EPHA6: variants seen among roughly 807,000 people sequenced by gnomAD.
EPHA6 encodes the protein EPH receptor A6.
In EPHA6, 50 loss-of-function variants were observed where a neutral mutation model predicts 112.0. That is an observed-to-expected ratio of 0.45 (90% CI 0.36 to 0.56). The LOEUF (loss-of-function observed/expected upper bound fraction) is 0.56. Among genes scored for constraint, EPHA6 ranks in the 20% least tolerant of loss-of-function variants. EPHA6 has a pLI of 0.00. For synonymous variants in EPHA6, 529 were observed against 490.7 expected (o/e 1.08, Z -1.03); for missense variants, 1,280 against 1,417.4 (o/e 0.90, Z 1.56).
intron 14 of EPHA6, among the ~76,000 whole-genome samples, chr3:97,717,433 C>G (rs769458430): frequency 6.6e-6 from 1 of 152,118 alleles, no homozygotes; most frequent in South Asian, 2.1e-4. Flanking sequence ...TCTCACAGTT[C>G]TAGAGGCTGG....
chr3:96,966,487 T>C (rs2042124927), intron 2 of EPHA6, among the ~76,000 whole-genome samples: 1 of 152,136 alleles, frequency 6.6e-6, no homozygotes, highest in South Asian at 2.1e-4. Context: ...TTGAATTTAT[T>C]TAAATTAACT....
intron 11 of EPHA6, among the ~76,000 whole-genome samples, chr3:97,562,178 A>T (rs1350068043): frequency 6.6e-6 from 1 of 152,178 alleles, no homozygotes; most frequent in Admixed American, 6.6e-5. Flanking sequence ...GGAAGTTTTG[A>T]CTTTCAATGT....
At chr3:96,935,461 T>C (rs942205856) in intron 2 of EPHA6, among the ~76,000 whole-genome samples, 3 of 150,822 alleles carry the variant, frequency 2.0e-5, no homozygotes, top group South Asian at 2.1e-4. Flanking sequence ...AAAACTATTA[T>C]AGGTATTCTA....
chr3:97,488,535 A>G (rs1385402223), intron 10 of EPHA6, among the ~76,000 whole-genome samples: 2 of 152,144 alleles, frequency 1.3e-5, no homozygotes, highest in African/African-American at 4.8e-5. Context: ...ACTCTAGAAT[A>G]TATTATTTTT....
chr3:97,412,269 C>G (rs1257231015), intron 6 of EPHA6, among the ~76,000 whole-genome samples: 13 of 152,068 alleles, frequency 8.5e-5, no homozygotes, highest in Non-Finnish European at 1.9e-4. Flanking sequence ...CCAGCCTGAT[C>G]TTGTGTACAA....
rs139308148 is a variant in EPHA6 at position 97,317,253 on chromosome 3, A to G, written c.1606+72966A>G. ...AAGATCAACAAAATCCATGATGTCAATGGTTGGAACTACTGAAGATGACTA... is the reference window on the plus strand; with the variant it reads ...AAGATCAACAAAATCCATGATGTCAGTGGTTGGAACTACTGAAGATGACTA... On this transcript the variant is annotated intron_variant, in intron 5 of 17. Coordinates refer to ENST00000389672, the MANE Select transcript of EPHA6 (RefSeq NM_001080448.3). 2.8e-3 allele frequency among the ~76,000 whole-genome samples: 421 copies of G among 152,074 alleles called. 4 individuals carry two copies. The highest frequency in any genetic ancestry group is 8.9e-3 in the African/African-American group (370 of 41,454).
At position 97,445,197 on chromosome 3, in the gene EPHA6, G is replaced by A. The variant is rs144122930; in HGVS notation, c.1732-3371G>A. 3.3e-5 allele frequency among the ~76,000 whole-genome samples: 5 copies of A among 152,070 alleles called. No homozygotes were observed. In the East Asian group the frequency reaches 9.7e-4, roughly 29 times the overall value. ...TTCTCAATGATTTTTTCTCACAATT[G>A]GTGCTATTTTCTGTGCTCATCCGAG... On this transcript the variant is annotated intron_variant, in intron 6 of 17. Coordinates refer to ENST00000389672, the MANE Select transcript of EPHA6 (RefSeq NM_001080448.3).
intron 4 of EPHA6, among the ~76,000 whole-genome samples, chr3:97,240,718 G>A (rs895887118): frequency 7.3e-5 from 11 of 151,720 alleles, no homozygotes; most frequent in Admixed American, 1.3e-4. Flanking sequence ...AGCATGTTCT[G>A]CAGAATGCTA....
chr3:97,195,237 G>A (rs1054001691), intron 3 of EPHA6, among the ~76,000 whole-genome samples: 9 of 116,314 alleles, frequency 7.7e-5, no homozygotes, highest in Admixed American at 1.7e-4. Context: ...TGTAACTGTT[G>A]TAAGTTACTT....
intron 2 of EPHA6, among the ~76,000 whole-genome samples, chr3:96,970,335 A>T (rs2042271361): frequency 6.6e-6 from 1 of 151,780 alleles, no homozygotes; most frequent in South Asian, 2.1e-4. Flanking sequence ...CTGAGTTTTC[A>T]TCCTAACTTA....
chr3:97,047,499 CA>C lies in EPHA6; in HGVS notation c.1114+59528del, dbSNP rs556388538. Among the ~76,000 whole-genome samples, 188 of 46,470 alleles carry C rather than the reference CA, an allele frequency of 4.0e-3. 2 individuals are homozygous for C. In the South Asian group the frequency reaches 0.083, roughly 21 times the overall value. The allele number at this position is 46,470 out of a possible 152,430, so 30.5% of individuals were successfully genotyped here. A position where few individuals can be genotyped will look rare whatever the true frequency, so the allele number is the denominator to read the frequency against. On this transcript the variant is annotated intron_variant, in intron 3 of 17. Transcript: ENST00000389672. ...TGGGCAACAGAGTGAGACTCTGTCT[CA>C]AAAAAAAAAAAAAAAAAAAAAGAAA... is the stretch of plus-strand genomic sequence containing the variant.
At chr3:97,669,793 G>A (rs1327899356) in intron 14 of EPHA6, among the ~76,000 whole-genome samples, 1 of 152,082 alleles carries the variant, frequency 6.6e-6, no homozygotes. Flanking sequence ...ATTTTTACTT[G>A]TTACATCTAC....
At chr3:97,205,783 G>A (rs1386410485) in intron 3 of EPHA6, among the ~76,000 whole-genome samples, 1 of 152,002 alleles carries the variant, frequency 6.6e-6, no homozygotes, top group African/African-American at 2.4e-5. Flanking sequence ...ATTTTTGTGG[G>A]CTGATTGACC....
chr3:97,747,543 A>T lies in EPHA6; in HGVS notation c.3249A>T (p.Thr1083=), dbSNP rs1157760162. 3 of 1,608,176 alleles carry T rather than the reference A, an allele frequency of 1.9e-6. No individual in the cohort carries two copies. The highest frequency in any genetic ancestry group is 2.5e-6 in the Non-Finnish European group (3 of 1,177,100). Residue 1083 remains threonine (T), a synonymous_variant, in exon 17 of 18, where the codon ACA becomes ACT. Transcript: ENST00000389672. ...ACTTCGTGGCAGCAGGGTTTACAAC[A>T]TTTGACCTGATTTCAAGAATGAGCA... ...KNNFVAAGFT[T]FDLISRMSID...
intron 2 of EPHA6, among the ~76,000 whole-genome samples, chr3:96,898,409 T>C (rs1170540985): frequency 6.6e-6 from 1 of 152,188 alleles, no homozygotes; most frequent in African/African-American, 2.4e-5. Context: ...AGGATAGTTT[T>C]ACGACCTCAG....
At chr3:97,064,272 A>G (rs2046112871) in intron 3 of EPHA6, among the ~76,000 whole-genome samples, 1 of 152,182 alleles carries the variant, frequency 6.6e-6, no homozygotes, top group Non-Finnish European at 1.5e-5. Context: ...ATCAAGTTTT[A>G]TCATTATTTG....
At chr3:97,161,627 T>G (rs998222958) in intron 3 of EPHA6, among the ~76,000 whole-genome samples, 1 of 152,172 alleles carries the variant, frequency 6.6e-6, no homozygotes, top group South Asian at 2.1e-4. Context: ...TTCTTTTTCC[T>G]GGCGGCAGGA....
intron 3 of EPHA6, among the ~76,000 whole-genome samples, chr3:96,991,839 G>A (rs1355868549): frequency 6.6e-6 from 1 of 152,098 alleles, no homozygotes; most frequent in Non-Finnish European, 1.5e-5. Flanking sequence ...AACACACATG[G>A]AACAGGGGCA....
At chr3:97,631,551 C>T (rs1443095724) in intron 13 of EPHA6, among the ~76,000 whole-genome samples, 1 of 151,902 alleles carries the variant, frequency 6.6e-6, no homozygotes, top group Non-Finnish European at 1.5e-5. Flanking sequence ...ACCAAAAAGG[C>T]TTTTGATATA....
Sources: gnomAD v4.1 joint callset for allele counts (sites outside exome capture counted in the v4.1 genomes callset) on GRCh38, gnomAD v4.1.1 for gene constraint, MANE v1.5 for transcripts, NCBI Gene and HGNC (gene_info 2026-07-23, HGNC 2026-07-21) for gene names.